Variants in ATP13A4 observed in about 807,000 individuals in gnomAD.
ATP13A4 encodes the protein ATPase 13A4.
In ATP13A4, 114 loss-of-function variants were observed where a neutral mutation model predicts 142.5. That is an observed-to-expected ratio of 0.80 (90% CI 0.69 to 0.93). The LOEUF (loss-of-function observed/expected upper bound fraction) is 0.93. ATP13A4 is among the 40% of genes least tolerant of loss of function. The pLI is 0.00. For synonymous variants in ATP13A4, 488 were observed against 514.8 expected (o/e 0.95, Z 0.70); for missense variants, 1,392 against 1,454.0 (o/e 0.96, Z 0.69).
intron 1 of ATP13A4, among the ~76,000 whole-genome samples, chr3:193,592,645 C>G (rs181940123): frequency 2.1e-4 from 32 of 152,296 alleles, no homozygotes; most frequent in African/African-American, 6.7e-4. Context: ...ATAAACCACA[C>G]AAGCTTATTC....
In ATP13A4 at chr3:193,568,045, C is replaced by T. The variant is rs557707304; in HGVS notation, n.291+13662G>A. Among the ~76,000 whole-genome samples the T allele has an allele frequency of 3.9e-5, 6 of 152,186 alleles. No homozygotes were observed. In the East Asian group the frequency reaches 9.7e-4, roughly 25 times the overall value. ...CGCAGTCTCGGCTCACTGCAACCTC[C>T]GTCTCCCGGGTTCAAGCGATTCTCC... On this transcript the variant is annotated intron_variant and non_coding_transcript_variant, in intron 2 of 3. Transcript: ENST00000489140.
intron 23 of ATP13A4, among the ~76,000 whole-genome samples, chr3:193,436,986 C>T (rs1367859389): frequency 6.8e-6 from 1 of 148,028 alleles, no homozygotes; most frequent in Admixed American, 6.6e-5. Context: ...CGCCTGTAGT[C>T]CCAGCTACTT....
chr3:193,460,916 T>A (rs911877326), intron 13 of ATP13A4, among the ~76,000 whole-genome samples: 1 of 152,232 alleles, frequency 6.6e-6, no homozygotes, highest in Non-Finnish European at 1.5e-5. Context: ...GGAAGAAATA[T>A]CAGAGATGAG....
intron 1 of ATP13A4, among the ~76,000 whole-genome samples, chr3:193,524,649 A>C (rs929653805): frequency 1.5e-4 from 23 of 152,238 alleles, no homozygotes. Flanking sequence ...AGTTGGGTTC[A>C]AATCCTGGTT....
chr3:193,476,792 A>G (rs1335138300), intron 8 of ATP13A4, among the ~76,000 whole-genome samples: 1 of 152,032 alleles, frequency 6.6e-6, no homozygotes, highest in Non-Finnish European at 1.5e-5. Flanking sequence ...AGAGAGAGAC[A>G]GGAATGGCCA....
chr3:193,549,886 G>T lies in ATP13A4; in HGVS notation c.60+4854C>A, dbSNP rs117799605. On this transcript the variant is annotated intron_variant, in intron 1 of 29. Transcript: ENST00000342695. Reference sequence around the variant, plus strand: ...AGTATATGTATATTTTTTAAGAATAGAATTTTTAAATCAATGGAATAATCT... The same window carrying T: ...AGTATATGTATATTTTTTAAGAATATAATTTTTAAATCAATGGAATAATCT... 2.9e-3 allele frequency among the ~76,000 whole-genome samples: 442 copies of T among 152,192 alleles called. 3 individuals are homozygous for T. The highest frequency in any genetic ancestry group is 0.017 in the South Asian group (81 of 4,828).
chr3:193,468,722 G>A (rs1718449094), intron 9 of ATP13A4, among the ~76,000 whole-genome samples: 1 of 152,178 alleles, frequency 6.6e-6, no homozygotes, highest in African/African-American at 2.4e-5. Context: ...ACAGCAGCCT[G>A]GACAATAGAG....
At chr3:193,547,000 T>A (rs1214152594) in intron 1 of ATP13A4, among the ~76,000 whole-genome samples, 1 of 152,202 alleles carries the variant, frequency 6.6e-6, no homozygotes, top group African/African-American at 2.4e-5. Flanking sequence ...CTACTTTTCC[T>A]TTGGGGATTA....
intron 8 of ATP13A4, among the ~76,000 whole-genome samples, chr3:193,477,848 A>G (rs1208053010): frequency 6.6e-6 from 1 of 152,056 alleles, no homozygotes; most frequent in African/African-American, 2.4e-5. Context: ...CCTTAGTGTG[A>G]AGCAAACTAC....
intron 12 of ATP13A4, among the ~76,000 whole-genome samples, chr3:193,463,565 C>T (rs1392394971): frequency 6.6e-6 from 1 of 151,562 alleles, no homozygotes; most frequent in African/African-American, 2.4e-5. Flanking sequence ...TTATCTGTAA[C>T]ATGGTCATAA....
chr3:193,480,181 A>T (rs1719207871), intron 8 of ATP13A4, among the ~76,000 whole-genome samples: 1 of 152,142 alleles, frequency 6.6e-6, no homozygotes, highest in Non-Finnish European at 1.5e-5. Context: ...CATTAGAAAA[A>T]CTCTTCTAGA....
At chr3:193,533,064 TTATAAA>T (rs1467008532) in intron 1 of ATP13A4, among the ~76,000 whole-genome samples, 2 of 152,112 alleles carry the variant, frequency 1.3e-5, no homozygotes, top group African/African-American at 4.8e-5. Flanking sequence ...TTTCAAAACT[TTATAAA>T]TAAAAATAAA....
chr3:193,417,795 C>A (rs539575424), intron 25 of ATP13A4, among the ~76,000 whole-genome samples: 1 of 147,066 alleles, frequency 6.8e-6, no homozygotes, highest in Non-Finnish European at 1.5e-5. Context: ...ACCATCCTGG[C>A]TAACAGAGTG....
intron 9 of ATP13A4, among the ~76,000 whole-genome samples, chr3:193,467,726 G>C (rs2108645251): frequency 6.6e-6 from 1 of 152,254 alleles, no homozygotes; most frequent in South Asian, 2.1e-4. Flanking sequence ...AATACTGTGG[G>C]TACTGTAAAT....
At chr3:193,436,461 T>C (rs1484406731) in intron 23 of ATP13A4, among the ~76,000 whole-genome samples, 2 of 152,186 alleles carry the variant, frequency 1.3e-5, no homozygotes, top group Admixed American at 1.3e-4. Flanking sequence ...ATTATACTTT[T>C]TTTTTTGTCA....
At chr3:193,500,568 T>A (rs1720487658) in intron 3 of ATP13A4, among the ~76,000 whole-genome samples, 1 of 152,122 alleles carries the variant, frequency 6.6e-6, no homozygotes, top group Non-Finnish European at 1.5e-5. Context: ...ATCCCTCACA[T>A]GCGCAGTTCA....
At chr3:193,428,595 G>A (rs765228033) in intron 25 of ATP13A4, among the ~76,000 whole-genome samples, 210 of 152,090 alleles carry the variant, frequency 1.4e-3, no homozygotes, top group Non-Finnish European at 2.7e-3. Context: ...TATATACCAT[G>A]GAATACTATG....
intron 8 of ATP13A4, among the ~76,000 whole-genome samples, chr3:193,473,576 G>A (rs1364411918): frequency 6.6e-6 from 1 of 152,102 alleles, no homozygotes; most frequent in Non-Finnish European, 1.5e-5. Context: ...TTACAAAGAG[G>A]AAAATAATAA....
rs540015638 is a variant in ATP13A4 at position 193,548,200 on chromosome 3, A to G, written c.60+6540T>C. Among the ~76,000 whole-genome samples, 337 of 152,318 alleles carry G rather than the reference A, an allele frequency of 2.2e-3. 2 individuals are homozygous for G. The highest frequency in any genetic ancestry group is 4.1e-3 in the Non-Finnish European group (280 of 68,032). ...CATAACATTTTCTAGGTTTATTTTT[A>G]AATTACTCAAACCACTCCTACTTTT... On this transcript the variant is annotated intron_variant, in intron 1 of 29. Transcript: ENST00000342695.
Sources: gnomAD v4.1 joint callset for allele counts (sites outside exome capture counted in the v4.1 genomes callset) on GRCh38, gnomAD v4.1.1 for gene constraint, MANE v1.5 for transcripts, NCBI Gene and HGNC (gene_info 2026-07-23, HGNC 2026-07-21) for gene names.